The following ECE1 variants were observed in gnomAD, a reference collection of about 807,000 sequenced individuals.
The protein encoded by ECE1 is endothelin converting enzyme 1, also known as endothelin-converting enzyme 1.
Under a neutral mutation model 98.6 loss-of-function variants are expected in ECE1, and 35 were observed. That is an observed-to-expected ratio of 0.35 (90% CI 0.27 to 0.47). The LOEUF is 0.47. Ranked by LOEUF, ECE1 falls within the 20% of genes least tolerant of loss-of-function variation. The pLI is 1.00. For synonymous variants in ECE1, 394 were observed against 407.1 expected, an observed-to-expected ratio of 0.97 and a Z score of 0.39; for missense variants, 814 against 1,025.3, an observed-to-expected ratio of 0.79 and a Z score of 2.81.
chr1:21,243,605 G>A (rs1299014471), intron 10 of ECE1, among the ~76,000 whole-genome samples: 1 of 152,200 alleles, frequency 6.6e-6, no homozygotes, highest in African/African-American at 2.4e-5. Context: ...GAAGGTGAGA[G>A]AATATGTGGG....
chr1:21,299,059 C>T (rs1417826026), intron 1 of ECE1: 1 of 357,332 alleles, frequency 2.8e-6, no homozygotes. Flanking sequence ...CGCTCTCTGA[C>T]AATGTGCTGA....
intron 5 of ECE1, among the ~76,000 whole-genome samples, chr1:21,259,154 T>G (rs1189668739): frequency 6.6e-6 from 1 of 152,200 alleles, no homozygotes. Flanking sequence ...TAATGAATTG[T>G]GTGAATGTGA....
chr1:21,248,542 C>T (rs528438618), intron 8 of ECE1, among the ~76,000 whole-genome samples: 13 of 152,154 alleles, frequency 8.5e-5, no homozygotes, highest in Admixed American at 2.0e-4. Context: ...CTCACAGAGG[C>T]GCCTTCCAGA....
At position 21,307,961 on chromosome 1, in the gene ECE1, C is replaced by T. The variant is rs1447305806; in HGVS notation, c.4-17805G>A. 6.6e-6 allele frequency among the ~76,000 whole-genome samples: 1 copy of T among 152,160 alleles called. No homozygotes were observed. The highest frequency in any genetic ancestry group is 1.5e-5 in the Non-Finnish European group (1 of 68,028). On this transcript the variant is annotated intron_variant, in intron 1 of 18. Coordinates refer to the ECE1 transcript ENST00000415912. This position sits in a 1 kb window ranked among gnomAD's most constrained non-coding sequence, Gnocchi z 4.2. ...GTTTTGCTGCGATCCCAATGGGTCA[C>T]ACGCCTTCTGGATCCCCCCAGAAGG...
chr1:21,225,591 A>G lies in ECE1; in HGVS notation c.1850-151T>C. The G allele has an allele frequency of 2.3e-6, 2 of 859,308 alleles. No individual in the cohort carries two copies. The highest frequency in any genetic ancestry group is 2.4e-5 in the Admixed American group (1 of 41,214). The allele number at this position is 859,308 out of a possible 1,614,324, so 53.2% of individuals were successfully genotyped here. A position where few individuals can be genotyped will look rare whatever the true frequency, so the allele number is the denominator to read the frequency against. ...ACGAGGTCCCTGTGAGTGCCGAGGG[A>G]CGTGGATGTGGTGGCCAGTCAGAGG... On this transcript the variant is annotated intron_variant, in intron 16 of 18. Transcript: ENST00000374893. This position sits in a 1 kb window ranked among gnomAD's most constrained non-coding sequence, Gnocchi z 5.3.
chr1:21,256,120 T>A lies in ECE1; in HGVS notation c.847A>T (p.Asn283Tyr). The change falls in exon 8 of 19, where the codon AAC becomes TAC. Residue 283 changes from asparagine to tyrosine, a missense_variant. Asn to Tyr is a moderately radical substitution (Grantham distance 143). Transcript: ENST00000374893. ...AGCTTCCCCAGCTGGACCATGTAGT[T>A]CAGATATCCGGTCAGCACCTGCAGG... ...ENEKVLTGYL[N>Y]YMVQLGKLLG... 6.2e-7 allele frequency: 1 copy of A among 1,604,098 alleles called. No individual in the cohort carries two copies. Among genetic ancestry groups the A allele is most frequent in the Non-Finnish European group, 8.5e-7 (1 of 1,171,714 alleles).
At chr1:21,276,682 T>C (rs2098247612) in intron 3 of ECE1, among the ~76,000 whole-genome samples, 1 of 142,842 alleles carries the variant, frequency 7.0e-6, no homozygotes, top group African/African-American at 2.5e-5. Flanking sequence ...CAGATTTGCT[T>C]TCTTTTTTTT....
upstream of ECE1, among the ~76,000 whole-genome samples, chr1:21,291,986 T>TATA: frequency 7.2e-6 from 1 of 138,250 alleles, no homozygotes; most frequent in African/African-American, 3.0e-5. Context: ...ATATATATAT[T>TATA]TATATATTAT....
chr1:21,307,517 G>A lies in ECE1; in HGVS notation c.4-17361C>T, dbSNP rs979113877. On this transcript the variant is annotated intron_variant, in intron 1 of 18. Coordinates refer to the ECE1 transcript ENST00000415912. This position sits in a 1 kb window ranked among gnomAD's most constrained non-coding sequence, Gnocchi z 4.2. The stretch of plus-strand genomic sequence containing the variant: ...GCACATATTAAGTATTTCATAAAAA[G>A]CAAGTTTTAAACATGATCACTACAG... 6.6e-6 allele frequency among the ~76,000 whole-genome samples: 1 copy of A among 152,158 alleles called. No homozygotes were observed. Among genetic ancestry groups the A allele is most frequent in the Non-Finnish European group, 1.5e-5 (1 of 68,030 alleles).
chr1:21,248,701 T>C (rs867167650), intron 8 of ECE1, among the ~76,000 whole-genome samples: 10 of 151,828 alleles, frequency 6.6e-5, no homozygotes, highest in Non-Finnish European at 1.2e-4. Context: ...CTCAGCTCAC[T>C]GCAACCTCCG....
intron 7 of ECE1, 119 bp from the exon 8 acceptor site, chr1:21,256,257 C>T: frequency 8.6e-7 from 1 of 1,165,326 alleles, no homozygotes; most frequent in Non-Finnish European, 1.2e-6. Context: ...TGCACAGTGC[C>T]CCCAAGACAC....
At chr1:21,257,504 G>C in intron 7 of ECE1, 21 bp downstream of exon 7, 1 of 1,613,942 alleles carries the variant, frequency 6.2e-7, no homozygotes. Context: ...AGGCAGGCTG[G>C]GAGGGGAGAG....
At chr1:21,247,187 G>A in intron 9 of ECE1, 34 bp downstream of exon 9, 3 of 1,613,972 alleles carry the variant, frequency 1.9e-6, no homozygotes, top group African/African-American at 2.7e-5. Context: ...CTGTCTGTGA[G>A]AGGCGTGCCC....
intron 10 of ECE1, among the ~76,000 whole-genome samples, chr1:21,240,543 T>C (rs559553594): frequency 6.6e-6 from 1 of 152,338 alleles, no homozygotes; most frequent in East Asian, 1.9e-4. Context: ...CACTGCATTT[T>C]TATTGTATGT....
At chr1:21,226,377 A>G (rs1404816455) in intron 16 of ECE1, among the ~76,000 whole-genome samples, 1 of 152,196 alleles carries the variant, frequency 6.6e-6, no homozygotes, top group Non-Finnish European at 1.5e-5. Flanking sequence ...CTCCTTTTAC[A>G]GACAAGACAT....
At chr1:21,309,257 GTTAAGGACAGAAA>G (rs1320514620) in intron 1 of ECE1, among the ~76,000 whole-genome samples, 8 of 152,316 alleles carry the variant, frequency 5.3e-5, no homozygotes, top group African/African-American at 1.9e-4. Context: ...CCCCTCTGTG[GTTAAGGACAGAAA>G]CTCTGGAGCC....
rs1639104663 is a variant in ECE1 at position 21,327,439 on chromosome 1, A to G, written c.3+17937T>C. On this transcript the variant is annotated intron_variant, in intron 1 of 18. Coordinates refer to the ECE1 transcript ENST00000415912. This position sits in a 1 kb window ranked among gnomAD's most constrained non-coding sequence, Gnocchi z 4.6. ...CTCTGTCTGCCTCTCCCTCACCACT[A>G]CCACTGGCCTGGGCAAAGCCACCAC... Among the ~76,000 whole-genome samples, 1 of 151,732 alleles carries G rather than the reference A, an allele frequency of 6.6e-6. No homozygotes were observed. The highest frequency in any genetic ancestry group is 2.4e-5 in the African/African-American group (1 of 41,256).
rs769765491 is a variant in ECE1, at chr1:21,290,106, C to G, written c.102G>C (p.Ser34=). 8.4e-6 allele frequency: 13 copies of G among 1,551,738 alleles called. No homozygotes were observed. Among genetic ancestry groups the G allele is most frequent in the Non-Finnish European group, 1.1e-5 (13 of 1,149,496 alleles). Residue 34 remains serine, a synonymous_variant, in exon 2 of 19, where the codon TCG becomes TCC. Transcript: ENST00000374893. This position sits in a 1 kb window ranked among gnomAD's most constrained non-coding sequence, Gnocchi z 7.3. ...ATLDEEDLVD[S]LSEGDAYPNG... ...TGGGGTATGCGTCGCCCTCGGAGAG[C>G]GAGTCCACCAGGTCCTCCTCGTCCA... is the stretch of plus-strand genomic sequence containing the variant.
At chr1:21,237,603 T>C (rs2098190009) in intron 11 of ECE1, among the ~76,000 whole-genome samples, 1 of 152,168 alleles carries the variant, frequency 6.6e-6, no homozygotes, top group Non-Finnish European at 1.5e-5. Flanking sequence ...CGGTGCCCAG[T>C]GTGTGGCATC....
Sources: allele counts gnomAD v4.1 joint callset (sites outside exome capture counted in the v4.1 genomes callset), GRCh38; gene constraint gnomAD v4.1.1; non-coding constraint Gnocchi (gnomAD v3.1); transcripts MANE v1.5; gene names NCBI Gene and HGNC (gene_info 2026-07-23, HGNC 2026-07-21).